The following ADAMTS17 variants were observed in gnomAD, a reference collection of about 807,000 sequenced individuals.
ADAMTS17 encodes the protein A disintegrin and metalloproteinase with thrombospondin motifs 17.
A neutral mutation model predicts 141.5 loss-of-function variants in ADAMTS17; 113 were observed. The ratio of observed to expected loss-of-function variants is 0.80; its 90% CI spans 0.69 to 0.93. The LOEUF (loss-of-function observed/expected upper bound fraction) is 0.93. ADAMTS17 is among the 40% of genes least tolerant of loss of function. The pLI, the probability that ADAMTS17 is intolerant of heterozygous loss-of-function variation, is 0.00. For synonymous variants in ADAMTS17, 768 were observed against 630.6 expected (o/e 1.22, Z -3.27); for missense variants, 1,659 against 1,517.9 (o/e 1.09, Z -1.54).
chr15:100,307,321 G>A (rs2045260181), intron 3 of ADAMTS17, among the ~76,000 whole-genome samples: 1 of 152,174 alleles, frequency 6.6e-6, no homozygotes, highest in Non-Finnish European at 1.5e-5. Context: ...GGTGTGACGG[G>A]GTTCACAGGC....
chr15:100,257,879 C>T (rs924800451), intron 6 of ADAMTS17, among the ~76,000 whole-genome samples: 6 of 152,340 alleles, frequency 3.9e-5, no homozygotes, highest in African/African-American at 1.4e-4. Flanking sequence ...TCACCCCACA[C>T]CGAAACTCTG....
chr15:100,220,882 A>G (rs755096361), intron 7 of ADAMTS17, among the ~76,000 whole-genome samples: 2 of 152,248 alleles, frequency 1.3e-5, no homozygotes, highest in Non-Finnish European at 2.9e-5. Context: ...CATTGCATGG[A>G]TATTCCACAA....
chr15:100,271,695 G>C (rs947416101), intron 4 of ADAMTS17, among the ~76,000 whole-genome samples: 6 of 151,112 alleles, frequency 4.0e-5, no homozygotes, highest in Admixed American at 1.3e-4. Flanking sequence ...ATTTTACTTT[G>C]TTGATAGTAT....
chr15:100,148,293 C>G (rs1317338122), intron 10 of ADAMTS17, among the ~76,000 whole-genome samples: 1 of 152,222 alleles, frequency 6.6e-6, no homozygotes, highest in Non-Finnish European at 1.5e-5. Context: ...TTGAGTGTAT[C>G]TAAATCTATC....
At chr15:100,153,232 C>G (rs780029409) in intron 9 of ADAMTS17, among the ~76,000 whole-genome samples, 1 of 152,172 alleles carries the variant, frequency 6.6e-6, no homozygotes, top group Non-Finnish European at 1.5e-5. Flanking sequence ...TGTGGGACCT[C>G]GGTGTCTCAC....
At chr15:100,299,660 G>C (rs1399205253) in intron 3 of ADAMTS17, among the ~76,000 whole-genome samples, 1 of 152,136 alleles carries the variant, frequency 6.6e-6, no homozygotes, top group Non-Finnish European at 1.5e-5. Flanking sequence ...TCCCCCATCG[G>C]GATCCTGGGA....
chr15:100,051,247 T>G (rs12437869), intron 17 of ADAMTS17, among the ~76,000 whole-genome samples: 7 of 151,970 alleles, frequency 4.6e-5, no homozygotes, highest in African/African-American at 1.4e-4. Context: ...GCAGCAGCAG[T>G]TGAAGGTCTA....
At chr15:100,135,565 G>A (rs1376150146) in intron 10 of ADAMTS17, among the ~76,000 whole-genome samples, 1 of 152,186 alleles carries the variant, frequency 6.6e-6, no homozygotes, top group Non-Finnish European at 1.5e-5. Context: ...TTACAGGCAT[G>A]AGCCACTGCG....
At chr15:100,332,862 C>T (rs1040386955) in intron 2 of ADAMTS17, among the ~76,000 whole-genome samples, 1 of 152,186 alleles carries the variant, frequency 6.6e-6, no homozygotes, top group Non-Finnish European at 1.5e-5. Context: ...CCCTCTTGGG[C>T]CCCGACCTCG....
chr15:100,108,157 C>A (rs1272802496), intron 14 of ADAMTS17, among the ~76,000 whole-genome samples: 1 of 151,938 alleles, frequency 6.6e-6, no homozygotes, highest in Non-Finnish European at 1.5e-5. Flanking sequence ...AAGCTTCCTT[C>A]CTTCTTCTCG....
intron 14 of ADAMTS17, among the ~76,000 whole-genome samples, chr15:100,101,229 C>T (rs993532657): frequency 6.6e-6 from 1 of 152,050 alleles, no homozygotes; most frequent in African/African-American, 2.4e-5. Context: ...TGCTCACTGT[C>T]CTCCTCAGCC....
At chr15:100,072,071 A>AT (rs1181806049) in intron 15 of ADAMTS17, among the ~76,000 whole-genome samples, 1 of 150,216 alleles carries the variant, frequency 6.7e-6, no homozygotes, top group Non-Finnish European at 1.5e-5. Flanking sequence ...GAGGATACAA[A>AT]ATCAATGTGC....
intron 3 of ADAMTS17, among the ~76,000 whole-genome samples, chr15:100,290,926 T>C (rs545505544): frequency 2.0e-5 from 3 of 152,234 alleles, no homozygotes; most frequent in South Asian, 2.1e-4. Flanking sequence ...TACCATTCTA[T>C]ACATAGGCCC....
intron 8 of ADAMTS17, among the ~76,000 whole-genome samples, chr15:100,179,551 G>C (rs1295315413): frequency 6.6e-6 from 1 of 151,892 alleles, no homozygotes; most frequent in African/African-American, 2.4e-5. Flanking sequence ...CTTTCTTTTG[G>C]GTATATACCT....
chr15:100,307,632 A>T (rs1443977291), intron 3 of ADAMTS17, among the ~76,000 whole-genome samples: 1 of 152,218 alleles, frequency 6.6e-6, no homozygotes. Context: ...ATGCCCCTTC[A>T]TGTTTATCCA....
chr15:100,026,138 T>G (rs923202603), intron 18 of ADAMTS17, among the ~76,000 whole-genome samples: 5 of 152,226 alleles, frequency 3.3e-5, no homozygotes, highest in African/African-American at 1.2e-4. Context: ...CCTTCAACTT[T>G]ATATAAATGA....
In ADAMTS17 at chr15:99,997,731, G is replaced by T; in HGVS notation, c.2592-142C>A. 3 of 1,000,616 alleles carry T rather than the reference G, an allele frequency of 3.0e-6. No homozygotes were observed. Among genetic ancestry groups the T allele is most frequent in the Non-Finnish European group, 4.5e-6 (3 of 661,674 alleles). 62.0% of individuals were successfully genotyped at this position (1,000,616 alleles called of 1,614,324 possible). A position where few individuals can be genotyped will look rare whatever the true frequency, so the allele number is the denominator to read the frequency against. On this transcript the variant is annotated intron_variant, in intron 18 of 21. Transcript: ENST00000268070. The surrounding 1 kb of genome is among the most constrained non-coding windows in gnomAD (Gnocchi z 4.7). ...TCAGGAAGCTTTTCAGCCAACCCTGGACATAACTCAGAGTATCGGCACAGA... is the reference window on the plus strand; with the variant it reads ...TCAGGAAGCTTTTCAGCCAACCCTGTACATAACTCAGAGTATCGGCACAGA...
chr15:100,341,906 C>T lies in ADAMTS17; in HGVS notation c.-7G>A, dbSNP rs371479108. The T allele has an allele frequency of 1.2e-5, 18 of 1,546,604 alleles. No individual in the cohort carries two copies. Among genetic ancestry groups the T allele is most frequent in the Admixed American group, 6.0e-5 (3 of 50,224 alleles). The stretch of plus-strand genomic sequence containing the variant: ...GCAGGGCGCCGTCACACATGGTACC[C>T]GGGACCGGCAGCCCCCCCGGACCGT... On this transcript the variant is annotated 5_prime_UTR_variant, in exon 1 of 22. Transcript: ENST00000268070.
chr15:100,283,103 C>A (rs933511670), intron 3 of ADAMTS17, among the ~76,000 whole-genome samples: 2 of 152,308 alleles, frequency 1.3e-5, no homozygotes, highest in Non-Finnish European at 2.9e-5. Flanking sequence ...CACTTTTAAA[C>A]TCTAAACGAT....
Sources: allele counts gnomAD v4.1 joint callset (sites outside exome capture counted in the v4.1 genomes callset), GRCh38; gene constraint gnomAD v4.1.1; non-coding constraint Gnocchi (gnomAD v3.1); transcripts MANE v1.5; gene names NCBI Gene and HGNC (gene_info 2026-07-23, HGNC 2026-07-21).